The following ZNF143 variants were observed in gnomAD, a reference collection of about 807,000 sequenced individuals.
ZNF143 encodes the protein SPH-binding factor.
Under a neutral mutation model 74.1 loss-of-function variants are expected in ZNF143, and 49 were observed. The observed-to-expected ratio is 0.66, with a 90% confidence interval of 0.53 to 0.84. The LOEUF (loss-of-function observed/expected upper bound fraction) is 0.84, where lower values mean the gene tolerates loss of function less well. ZNF143 is among the 40% of genes least tolerant of loss of function. The probability of loss-of-function intolerance (pLI) is 0.00; values close to 1 mark genes in which losing one functional copy is unlikely to be tolerated. For synonymous variants in ZNF143, 304 were observed against 282.8 expected (o/e 1.07, Z -0.75); for missense variants, 637 against 793.4 (o/e 0.80, Z 2.37).
rs1195762496 is a variant in ZNF143 at position 9,527,520 on chromosome 11, C to T, written c.1834-10C>T. ...ATTGTTAGCGTTTGATGTGTGTGTT[C>T]CTGTTTCAGCTTGGAGAACAGCCAT... is the stretch of plus-strand genomic sequence containing the variant. On this transcript the variant is annotated splice_polypyrimidine_tract_variant and intron_variant, in intron 15 of 15. Transcript: ENST00000396602. 6.2e-7 allele frequency: 1 copy of T among 1,613,564 alleles called. No individual in the cohort carries two copies. Among genetic ancestry groups the T allele is most frequent in the Non-Finnish European group, 8.5e-7 (1 of 1,179,738 alleles).
chr11:9,494,846 A>T, intron 8 of ZNF143, 81 bp downstream of exon 8: 1 of 1,404,622 alleles, frequency 7.1e-7, no homozygotes, highest in East Asian at 2.4e-5. Flanking sequence ...TGTGTAATTC[A>T]AATGCCACTG....
At chr11:9,498,077 G>A (rs911126198) in intron 10 of ZNF143, among the ~76,000 whole-genome samples, 6 of 152,136 alleles carry the variant, frequency 3.9e-5, no homozygotes, top group Admixed American at 6.5e-5. Context: ...TGATCCGCCC[G>A]CCTCTGCCTC....
At chr11:9,525,083 C>T in intron 14 of ZNF143, 157 bp from the exon 15 acceptor site, 1 of 854,038 alleles carries the variant, frequency 1.2e-6, no homozygotes, top group Non-Finnish European at 1.7e-6. Context: ...TCAACTTCCT[C>T]AAATAAACCT....
At chr11:9,496,482 G>A in intron 9 of ZNF143, 104 bp downstream of exon 9, 1 of 926,624 alleles carries the variant, frequency 1.1e-6, no homozygotes, top group Non-Finnish European at 1.7e-6. Context: ...ATCTGCAGAA[G>A]CACATGATCA....
chr11:9,482,358 T>C (rs1443931380), intron 7 of ZNF143, among the ~76,000 whole-genome samples: 36 of 136,880 alleles, frequency 2.6e-4, no homozygotes, highest in South Asian at 6.9e-4. Context: ...GTAAGCTCCG[T>C]CTCCCGGGTT....
chr11:9,510,471 A>T (rs1345208202), intron 12 of ZNF143, among the ~76,000 whole-genome samples: 1 of 152,122 alleles, frequency 6.6e-6, no homozygotes, highest in Non-Finnish European at 1.5e-5. Flanking sequence ...AATAATATAC[A>T]TTTTATTTAA....
rs772888461 is a variant in ZNF143, at chr11:9,466,719, G to C, written c.-7-4583G>C. On this transcript the variant is annotated intron_variant, in intron 1 of 15. Coordinates refer to ENST00000396602, the MANE Select transcript of ZNF143 (RefSeq NM_003442.6). ...GCCTCCCCAAGTGCTGCAGTTACAG[G>C]TGTGAGCCATCATGCCCAGCCTGCA... is the stretch of plus-strand genomic sequence containing the variant. Among the ~76,000 whole-genome samples, 70 of 152,128 alleles carry C rather than the reference G, an allele frequency of 4.6e-4. 1 individual carries two copies. Among genetic ancestry groups the C allele is most frequent in the Non-Finnish European group, 8.1e-4 (55 of 68,040 alleles).
At chr11:9,478,288 G>A in intron 5 of ZNF143, 102 bp from the exon 6 acceptor site, 1 of 1,223,496 alleles carries the variant, frequency 8.2e-7, no homozygotes, top group Non-Finnish European at 1.2e-6. Context: ...CCAGTACTCA[G>A]AGTAACTACT....
intron 1 of ZNF143, 73 bp downstream of exon 1, chr11:9,461,149 CGGGCCCGCTT>C (rs1203612288): frequency 4.2e-6 from 4 of 946,466 alleles, no homozygotes; most frequent in Non-Finnish European, 5.0e-6. Context: ...CGCGGCGGCG[CGGGCCCGCTT>C]GGGCCCGGGC....
intron 7 of ZNF143, among the ~76,000 whole-genome samples, chr11:9,483,783 C>T (rs1436768282): frequency 6.3e-5 from 9 of 143,984 alleles, no homozygotes; most frequent in African/African-American, 2.1e-4. Context: ...TGGAGTCTCA[C>T]TCTGTCACCA....
intron 12 of ZNF143, 113 bp from the exon 13 acceptor site, chr11:9,512,335 A>G (rs1011301359): frequency 7.3e-7 from 1 of 1,376,320 alleles, no homozygotes. Flanking sequence ...GTGACTTAGA[A>G]TATAATACAT....
chr11:9,495,885 A>G (rs1030908615), intron 8 of ZNF143, among the ~76,000 whole-genome samples: 9 of 152,136 alleles, frequency 5.9e-5, no homozygotes, highest in Non-Finnish European at 8.8e-5. Context: ...AGGCTCAGAG[A>G]AGGCAAGTGC....
rs768165831 is a variant in ZNF143, at chr11:9,497,732, C to T, written c.899C>T (p.Ser300Leu). Residue 300 changes from serine to leucine, a missense_variant, in exon 10 of 16, where the codon TCG becomes TTG. Physicochemically the swap from Ser to Leu is moderately radical, Grantham distance 145 (BLOSUM62 -2). This residue lies in a region of ZNF143 where 344 missense variants were observed against 485.6 expected (regional missense o/e 0.71). Coordinates refer to ENST00000396602, the MANE Select transcript of ZNF143 (RefSeq NM_003442.6). ...ACAGGAGAAAAGCCATATCGGTGTTCGGAAGATAATTGTACTAAATCTTTC... is the reference window on the plus strand; with the variant it reads ...ACAGGAGAAAAGCCATATCGGTGTTTGGAAGATAATTGTACTAAATCTTTC... ...THTGEKPYRC[S>L]EDNCTKSFKT... The T allele has an allele frequency of 8.7e-6, 14 of 1,607,634 alleles. No individual in the cohort carries two copies. Among genetic ancestry groups the T allele is most frequent in the Non-Finnish European group, 1.1e-5 (13 of 1,175,490 alleles).
At position 9,501,164 on chromosome 11, in the gene ZNF143, C is replaced by T. The variant is rs768692523; in HGVS notation, c.1041C>T (p.His347=). The T allele has an allele frequency of 8.9e-5, 144 of 1,614,038 alleles. 2 individuals are homozygous for T. The East Asian group carries it at 2.6e-3, about 29-fold the overall frequency. The change falls in exon 11 of 16, where the codon CAC becomes CAT. Residue 347 remains histidine (H), a synonymous_variant. Coordinates refer to ENST00000396602, the MANE Select transcript of ZNF143 (RefSeq NM_003442.6). ...SFTTSNIRKV[H]VRTHTGERPY... Reference sequence around the variant, plus strand: ...CAACATCAAATATCAGAAAAGTGCACGTTAGGACACACACAGGAGAAAGAC... The same window carrying T: ...CAACATCAAATATCAGAAAAGTGCATGTTAGGACACACACAGGAGAAAGAC...
At chr11:9,486,420 T>TATATA (rs368754514) in intron 7 of ZNF143, among the ~76,000 whole-genome samples, 79 of 30,998 alleles carry the variant, frequency 2.5e-3, no homozygotes, top group Admixed American at 4.2e-3. Flanking sequence ...ATAATATATA[T>TATATA]TATATATATT....
In ZNF143 at chr11:9,527,087, C is replaced by G. The variant is rs563928872; in HGVS notation, c.1834-443C>G. On this transcript the variant is annotated intron_variant, in intron 15 of 15. Transcript: ENST00000396602. Reference sequence around the variant, plus strand: ...TGACCTCGTGATCTGCCCGCCTCGGCCTCCCGAAGTGCTGAGATTACAGGC... The same window carrying G: ...TGACCTCGTGATCTGCCCGCCTCGGGCTCCCGAAGTGCTGAGATTACAGGC... 2.0e-5 allele frequency among the ~76,000 whole-genome samples: 3 copies of G among 152,284 alleles called. No individual in the cohort carries two copies. In the East Asian group the frequency reaches 5.8e-4, roughly 29 times the overall value.
chr11:9,508,538 T>TTTTA, intron 11 of ZNF143, 81 bp from the exon 12 acceptor site: 1 of 1,314,542 alleles, frequency 7.6e-7, no homozygotes, highest in Non-Finnish European at 1.1e-6. Context: ...TTTAGAGGTA[T>TTTTA]TTTACCCCCT....
chr11:9,494,853 A>C, intron 8 of ZNF143, 88 bp downstream of exon 8: 1 of 1,358,080 alleles, frequency 7.4e-7, no homozygotes, highest in Non-Finnish European at 1.0e-6. Flanking sequence ...TTCAAATGCC[A>C]CTGTTTTCTC....
intron 5 of ZNF143, among the ~76,000 whole-genome samples, chr11:9,475,403 G>A (rs1021016318): frequency 6.6e-6 from 1 of 152,074 alleles, no homozygotes; most frequent in African/African-American, 2.4e-5. Flanking sequence ...AGGACTACAC[G>A]TGTGTGTCAC....
Sources: allele counts gnomAD v4.1 joint callset (sites outside exome capture counted in the v4.1 genomes callset), GRCh38; gene constraint gnomAD v4.1.1; regional missense constraint gnomAD v4.1.1; transcripts MANE v1.5; gene names NCBI Gene and HGNC (gene_info 2026-07-23, HGNC 2026-07-21).